The following LRRN1 variants were observed in gnomAD, a reference collection of about 807,000 sequenced individuals.
LRRN1 encodes the protein leucine-rich repeat neuronal protein 1.
Under a neutral mutation model 45.8 loss-of-function variants are expected in LRRN1, and 14 were observed. The observed-to-expected ratio is 0.31, with a 90% CI of 0.20 to 0.48. LRRN1 has a LOEUF of 0.48. LRRN1 is among the 20% of genes least tolerant of loss of function. The probability of loss-of-function intolerance (pLI) is 0.99; values close to 1 mark genes in which losing one functional copy is unlikely to be tolerated. For missense variants in LRRN1, 789 were observed against 874.2 expected, an observed-to-expected ratio of 0.90 and a Z score of 1.23; for synonymous variants, 359 against 330.1, an observed-to-expected ratio of 1.09 and a Z score of -0.95.
Position 3,846,193 on chromosome 3 carries a change from G to A in LRRN1, c.1552G>A (p.Gly518Arg), listed in dbSNP as rs539800332. 56 of 1,614,068 alleles carry A rather than the reference G, an allele frequency of 3.5e-5. No homozygotes were observed. Among genetic ancestry groups the A allele is most frequent in the East Asian group, 2.7e-4 (12 of 44,866 alleles). Residue 518 changes from glycine (G) to arginine (R), a missense_variant, in exon 2 of 2, where the codon GGG (glycine) becomes AGG (arginine). Coordinates refer to ENST00000319331, the MANE Select transcript of LRRN1 (RefSeq NM_020873.7). The surrounding 1 kb of genome is among the most constrained non-coding windows in gnomAD (Gnocchi z 5.7). ...TCGGGTGGCAACAATTAAGGTTAAT[G>A]GGACCCTTCTGGATGGTACCCAGGT... is the stretch of plus-strand genomic sequence containing the variant. ...DTRVATIKVN[G>R]TLLDGTQVLK...
At chr3:3,843,043 G>C (rs1439305126) in intron 1 of LRRN1, among the ~76,000 whole-genome samples, 1 of 152,194 alleles carries the variant, frequency 6.6e-6, no homozygotes, top group African/African-American at 2.4e-5. Flanking sequence ...AAATGGATTA[G>C]AGATACAAGA....
intron 1 of LRRN1, among the ~76,000 whole-genome samples, chr3:3,800,464 T>C (rs1692622536): frequency 6.6e-6 from 1 of 151,318 alleles, no homozygotes; most frequent in Non-Finnish European, 1.5e-5. Flanking sequence ...GGGCAAGGGG[T>C]ATAATTGACA....
Position 3,846,916 on chromosome 3 carries a change from G to A in LRRN1, c.*124G>A, listed in dbSNP as rs1693792395. 1.1e-5 allele frequency: 9 copies of A among 799,616 alleles called. No individual in the cohort carries two copies. Among genetic ancestry groups the A allele is most frequent in the Non-Finnish European group, 1.6e-5 (8 of 514,178 alleles). 49.5% of individuals were successfully genotyped at this position (799,616 alleles called of 1,614,324 possible). A position where few individuals can be genotyped will look rare whatever the true frequency, so the allele number is the denominator to read the frequency against. On this transcript the variant is annotated 3_prime_UTR_variant, in exon 2 of 2. Coordinates refer to ENST00000319331, the MANE Select transcript of LRRN1 (RefSeq NM_020873.7). The surrounding 1 kb of genome is among the most constrained non-coding windows in gnomAD (Gnocchi z 5.7). ...TGCTAGTTTGTGGCAGAGTGGAGAGGACGGGTGGATATTTCAAATTTTTTT... is the reference window on the plus strand; with the variant it reads ...TGCTAGTTTGTGGCAGAGTGGAGAGAACGGGTGGATATTTCAAATTTTTTT...
intron 1 of LRRN1, among the ~76,000 whole-genome samples, chr3:3,842,776 G>A (rs1559309991): frequency 6.6e-6 from 1 of 152,104 alleles, no homozygotes; most frequent in Non-Finnish European, 1.5e-5. Context: ...ACTCTGCTTC[G>A]AATACTTTAG....
In LRRN1 at chr3:3,847,453, T is replaced by A. The variant is rs1693803685; in HGVS notation, c.*661T>A. 6.0e-6 allele frequency: 1 copy of A among 166,848 alleles called. No homozygotes were observed. Among genetic ancestry groups the A allele is most frequent in the South Asian group, 2.1e-4 (1 of 4,822 alleles). The allele number at this position is 166,848 out of a possible 1,614,324, so 10.3% of individuals were successfully genotyped here. A position where few individuals can be genotyped will look rare whatever the true frequency, so the allele number is the denominator to read the frequency against. ...CTAACAGGCAATAGAAATATGTATA[T>A]CAGATTTTTTAATGTAACAAACTAC... On this transcript the variant is annotated 3_prime_UTR_variant, in exon 2 of 2. Coordinates refer to ENST00000319331, the MANE Select transcript of LRRN1 (RefSeq NM_020873.7).
intron 1 of LRRN1, among the ~76,000 whole-genome samples, chr3:3,829,247 T>C (rs888461871): frequency 1.3e-5 from 2 of 152,196 alleles, no homozygotes; most frequent in Non-Finnish European, 1.5e-5. Flanking sequence ...AACTCCCTTC[T>C]TAGCCTGTTG....
intron 1 of LRRN1, among the ~76,000 whole-genome samples, chr3:3,834,165 C>T (rs1367957345): frequency 6.6e-6 from 1 of 152,024 alleles, no homozygotes; most frequent in Non-Finnish European, 1.5e-5. Flanking sequence ...TCTTTCATCA[C>T]TTTGTCCACT....
At position 3,844,769 on chromosome 3, in the gene LRRN1, G is replaced by C. The variant is rs750251728; in HGVS notation, c.128G>C (p.Trp43Ser). 2 of 1,614,076 alleles carry C rather than the reference G, an allele frequency of 1.2e-6. No individual in the cohort carries two copies. Among genetic ancestry groups the C allele is most frequent in the East Asian group, 4.5e-5 (2 of 44,878 alleles). ...CTTTGCGTATGTGAAATTCGTCCCT[G>C]GTTTACCCCACAGTCAACTTACAGA... ...PQLCVCEIRP[W>S]FTPQSTYREA... The change falls in exon 2 of 2, where the codon TGG becomes TCG. Residue 43 changes from tryptophan (W) to serine (S), a missense_variant. Trp to Ser is a radical substitution (Grantham distance 177, BLOSUM62 -3). Coordinates refer to ENST00000319331, the MANE Select transcript of LRRN1 (RefSeq NM_020873.7).
At position 3,845,207 on chromosome 3, in the gene LRRN1, C is replaced by T. The variant is rs200061697; in HGVS notation, c.566C>T (p.Ser189Phe). The T allele has an allele frequency of 6.2e-6, 10 of 1,614,154 alleles. No individual in the cohort carries two copies. The East Asian group carries it at 2.2e-4, about 36-fold the overall frequency. ...LKVIDSRWFD[S>F]TPNLEILMIG... ...GTTATTGATAGTCGCTGGTTTGATT[C>T]TACACCCAACCTGGAAATTCTCATG... The change falls in exon 2 of 2, where the codon TCT becomes TTT. Residue 189 changes from serine to phenylalanine, a missense_variant. By Grantham distance (155) the Ser-to-Phe change is radical (BLOSUM62 -2). Coordinates refer to ENST00000319331, the MANE Select transcript of LRRN1 (RefSeq NM_020873.7). The surrounding 1 kb of genome is among the most constrained non-coding windows in gnomAD (Gnocchi z 6.5).
chr3:3,829,957 G>A (rs1238868408), intron 1 of LRRN1, among the ~76,000 whole-genome samples: 1 of 152,206 alleles, frequency 6.6e-6, no homozygotes, highest in Non-Finnish European at 1.5e-5. Flanking sequence ...CGAGGGCTCA[G>A]TGTTGGTCTC....
intron 1 of LRRN1, among the ~76,000 whole-genome samples, chr3:3,814,884 AT>A (rs1692958993): frequency 6.6e-6 from 1 of 152,166 alleles, no homozygotes; most frequent in African/African-American, 2.4e-5. Flanking sequence ...AAATAAATTT[AT>A]ATTCTTTATA....
chr3:3,804,844 T>A (rs191939928), intron 1 of LRRN1, among the ~76,000 whole-genome samples: 1 of 152,192 alleles, frequency 6.6e-6, no homozygotes, highest in Non-Finnish European at 1.5e-5. Flanking sequence ...TTTGTAGAAC[T>A]GGGAGTAAAG....
At chr3:3,827,870 T>G (rs1357621987) in intron 1 of LRRN1, among the ~76,000 whole-genome samples, 1 of 152,170 alleles carries the variant, frequency 6.6e-6, no homozygotes, top group African/African-American at 2.4e-5. Flanking sequence ...ATACAATATT[T>G]GGTCTCTGGA....
rs368880248 is a variant in LRRN1 at position 3,845,732 on chromosome 3, G to T, written c.1091G>T (p.Arg364Leu). The stretch of plus-strand genomic sequence containing the variant: ...ACAGTCGAATCCCTCCCCAATCTGC[G>T]TGAGATCAGTATCCATAGCAATCCC... ...QKTVESLPNLREISIHSNPLR... is the reference protein window; with the variant it reads ...QKTVESLPNLLEISIHSNPLR... The change falls in exon 2 of 2, where the codon CGT becomes CTT. Residue 364 changes from arginine to leucine, a missense_variant. By Grantham distance (102) the Arg-to-Leu change is moderately radical. Transcript: ENST00000319331. The surrounding 1 kb of genome is among the most constrained non-coding windows in gnomAD (Gnocchi z 6.5). 4.2e-5 allele frequency: 67 copies of T among 1,613,914 alleles called. No homozygotes were observed. The highest frequency in any genetic ancestry group is 5.7e-5 in the Non-Finnish European group (67 of 1,180,030).
At chr3:3,819,978 T>C (rs1040221718) in intron 1 of LRRN1, among the ~76,000 whole-genome samples, 6 of 152,172 alleles carry the variant, frequency 3.9e-5, no homozygotes, top group Non-Finnish European at 7.3e-5. Flanking sequence ...CTCAAATCTG[T>C]TGACTCCGAA....
chr3:3,840,397 G>A (rs975581081), intron 1 of LRRN1, among the ~76,000 whole-genome samples: 9 of 152,142 alleles, frequency 5.9e-5, no homozygotes, highest in Admixed American at 1.3e-4. Flanking sequence ...ATATTGGTCT[G>A]TAGTTTTCTT....
chr3:3,818,726 T>C (rs1693037743), intron 1 of LRRN1, among the ~76,000 whole-genome samples: 1 of 152,104 alleles, frequency 6.6e-6, no homozygotes, highest in Non-Finnish European at 1.5e-5. Flanking sequence ...TAATTATAAG[T>C]TTAGCCTGCT....
At chr3:3,827,554 C>T in intron 1 of LRRN1, 1 of 455,356 alleles carries the variant, frequency 2.2e-6, no homozygotes, top group Non-Finnish European at 4.4e-6. Context: ...AATCCCATTT[C>T]CCCATTATTC....
intron 1 of LRRN1, among the ~76,000 whole-genome samples, chr3:3,831,214 A>G (rs1250046323): frequency 1.3e-5 from 2 of 152,226 alleles, no homozygotes; most frequent in East Asian, 3.9e-4. Flanking sequence ...CCAAGATCCA[A>G]ATAGGCCCAC....
Sources: allele counts gnomAD v4.1 joint callset (sites outside exome capture counted in the v4.1 genomes callset), GRCh38; gene constraint gnomAD v4.1.1; non-coding constraint Gnocchi (gnomAD v3.1); transcripts MANE v1.5; gene names NCBI Gene and HGNC (gene_info 2026-07-23, HGNC 2026-07-21).